Variants in ATG10 observed in about 807,000 individuals in gnomAD.
ATG10 encodes the protein ubiquitin-like-conjugating enzyme ATG10.
In ATG10, 30 loss-of-function variants were observed where a neutral mutation model predicts 32.1. The ratio of observed to expected loss-of-function variants is 0.94; its 90% CI spans 0.70 to 1.27. The LOEUF is 1.27. Ranked by LOEUF, ATG10 falls within the 50% of genes most tolerant of loss-of-function variation. The probability of loss-of-function intolerance (pLI) is 0.00; values close to 1 mark genes in which losing one functional copy is unlikely to be tolerated. For missense variants in ATG10, 233 were observed against 262.3 expected, an observed-to-expected ratio of 0.89 and a Z score of 0.77; for synonymous variants, 87 against 91.5, an observed-to-expected ratio of 0.95 and a Z score of 0.28.
At chr5:82,061,974 C>T (rs573791055) in intron 3 of ATG10, among the ~76,000 whole-genome samples, 1 of 151,668 alleles carries the variant, frequency 6.6e-6, no homozygotes, top group African/African-American at 2.4e-5. Flanking sequence ...GGACTGCAGG[C>T]ATGCACCACC....
At chr5:82,017,941 A>T (rs10462376) in intron 2 of ATG10, among the ~76,000 whole-genome samples, 24,316 of 152,028 alleles carry the variant, frequency 0.16, 2,349 homozygotes, top group South Asian at 0.3. Context: ...ATTAGTGCCC[A>T]TGAGCAGTCC....
chr5:82,175,959 CT>C (rs1184309053), intron 4 of ATG10, among the ~76,000 whole-genome samples: 1 of 152,060 alleles, frequency 6.6e-6, no homozygotes, highest in Non-Finnish European at 1.5e-5. Context: ...GTTTTGCTCA[CT>C]GATGTATCAC....
chr5:82,175,105 C>G (rs2149917397), intron 4 of ATG10, among the ~76,000 whole-genome samples: 1 of 152,192 alleles, frequency 6.6e-6, no homozygotes, highest in East Asian at 1.9e-4. Flanking sequence ...CCATTGGTTT[C>G]CTCATTTGAA....
chr5:82,037,669 C>G (rs1762974794), intron 2 of ATG10, among the ~76,000 whole-genome samples: 1 of 152,058 alleles, frequency 6.6e-6, no homozygotes, highest in Non-Finnish European at 1.5e-5. Flanking sequence ...TTATTAGATT[C>G]TTTTCATCAG....
At chr5:82,117,318 G>T (rs1481645493) in intron 3 of ATG10, among the ~76,000 whole-genome samples, 1 of 152,086 alleles carries the variant, frequency 6.6e-6, no homozygotes, top group African/African-American at 2.4e-5. Flanking sequence ...AACCTTGAAA[G>T]AATAAATTTG....
intron 2 of ATG10, among the ~76,000 whole-genome samples, chr5:82,031,920 A>G (rs945596606): frequency 6.6e-6 from 1 of 152,254 alleles, no homozygotes; most frequent in Admixed American, 6.5e-5. Flanking sequence ...TCTGAGCTGT[A>G]TTTTGGCTTA....
At chr5:82,230,645 A>G (rs1746326708) in intron 5 of ATG10, among the ~76,000 whole-genome samples, 1 of 150,806 alleles carries the variant, frequency 6.6e-6, no homozygotes, top group Admixed American at 6.6e-5. Context: ...AGGCAAGAGA[A>G]TCGCTTGAAC....
intron 1 of ATG10, among the ~76,000 whole-genome samples, chr5:81,977,469 C>A (rs184641325): frequency 3.4e-4 from 52 of 152,272 alleles, no homozygotes; most frequent in African/African-American, 1.1e-3. Context: ...TTTAACAATC[C>A]AATATGATCC....
chr5:82,123,764 C>CAAAAAAAAAAAAA (rs1178883742), intron 3 of ATG10, among the ~76,000 whole-genome samples: 1 of 56,818 alleles, frequency 1.8e-5, no homozygotes, highest in Non-Finnish European at 3.3e-5. Flanking sequence ...ACTGTCTGTA[C>CAAAAAAAAAAAAA]AAAAAAAAAA....
chr5:82,039,552 C>T (rs567679803), intron 2 of ATG10, among the ~76,000 whole-genome samples: 12 of 152,114 alleles, frequency 7.9e-5, no homozygotes, highest in African/African-American at 1.4e-4. Flanking sequence ...CATACAATTA[C>T]GGTTGTAATC....
chr5:82,252,565 C>T lies in ATG10; in HGVS notation c.457C>T (p.His153Tyr), dbSNP rs780298687. The T allele has an allele frequency of 1.2e-5, 19 of 1,594,968 alleles. No individual in the cohort carries two copies. Among genetic ancestry groups the T allele is most frequent in the Non-Finnish European group, 1.5e-5 (18 of 1,164,514 alleles). Residue 153 changes from histidine to tyrosine, a missense_variant, in exon 6 of 8, where the codon CAT (histidine) becomes TAT (tyrosine). His to Tyr is a moderately conservative substitution (Grantham distance 83). Coordinates refer to ENST00000282185, the MANE Select transcript of ATG10 (RefSeq NM_031482.5). ...GPWDTITQQE[H>Y]PILGQPFFVL... is the part of the protein sequence containing the mutation. ...GGACCAATTCTGATTCTTACAGGAA[C>T]ATCCAATACTTGGGCAACCCTTTTT...
chr5:82,106,416 C>T (rs1765447010), intron 3 of ATG10, among the ~76,000 whole-genome samples: 1 of 152,042 alleles, frequency 6.6e-6, no homozygotes, highest in South Asian at 2.1e-4. Flanking sequence ...TAGAGCCCTA[C>T]AGTGTTATGT....
intron 2 of ATG10, among the ~76,000 whole-genome samples, chr5:82,019,860 T>C (rs1245122501): frequency 6.6e-6 from 1 of 152,232 alleles, no homozygotes; most frequent in Non-Finnish European, 1.5e-5. Context: ...CTGTTTAATA[T>C]GATCACTTCA....
At chr5:82,089,528 A>C (rs1370425718) in intron 3 of ATG10, among the ~76,000 whole-genome samples, 2 of 152,248 alleles carry the variant, frequency 1.3e-5, no homozygotes, top group African/African-American at 4.8e-5. Context: ...GGACATCCCT[A>C]GGCAAACAAA....
At chr5:82,048,408 T>C (rs1441866417) in intron 2 of ATG10, among the ~76,000 whole-genome samples, 1 of 151,502 alleles carries the variant, frequency 6.6e-6, no homozygotes, top group Non-Finnish European at 1.5e-5. Flanking sequence ...CAGTGGTTTG[T>C]AGTTCTCCTT....
intron 2 of ATG10, among the ~76,000 whole-genome samples, chr5:81,995,132 G>T (rs191353560): frequency 6.1e-4 from 93 of 152,170 alleles, no homozygotes; most frequent in Admixed American, 1.9e-3. Context: ...GTGTATGTGT[G>T]TGTGTGTGTG....
rs538801639 is a variant in ATG10 at position 82,066,319 on chromosome 5, G to A, written c.216+7717G>A. Among the ~76,000 whole-genome samples the A allele has an allele frequency of 1.4e-4, 21 of 152,224 alleles. No homozygotes were observed. In the South Asian group the frequency reaches 4.4e-3, roughly 32 times the overall value. On this transcript the variant is annotated intron_variant, in intron 3 of 7. Coordinates refer to ENST00000282185, the MANE Select transcript of ATG10 (RefSeq NM_031482.5). The stretch of plus-strand genomic sequence containing the variant: ...TATTATTGAAGTTTGTGTTCTGCTT[G>A]AAGTTCGATTACTGTAGTTCCTCAT...
intron 4 of ATG10, among the ~76,000 whole-genome samples, chr5:82,175,873 TCACACACACACACGCA>T (rs1235291107): frequency 6.6e-5 from 10 of 151,370 alleles, no homozygotes; most frequent in African/African-American, 2.4e-4. Flanking sequence ...TTGTTTATTT[TCACACACACACACGCA>T]CACACACACA....
chr5:82,123,119 T>C (rs573551319), intron 3 of ATG10, among the ~76,000 whole-genome samples: 1 of 152,210 alleles, frequency 6.6e-6, no homozygotes, highest in African/African-American at 2.4e-5. Context: ...TAAATGTCCA[T>C]CAATGACAGA....
Sources: gnomAD v4.1 joint callset for allele counts (sites outside exome capture counted in the v4.1 genomes callset) on GRCh38, gnomAD v4.1.1 for gene constraint, MANE v1.5 for transcripts, NCBI Gene and HGNC (gene_info 2026-07-23, HGNC 2026-07-21) for gene names.